NWD2: variants seen among roughly 807,000 people sequenced by gnomAD.
NWD2 encodes NACHT and WD repeat domain-containing protein 2.
A neutral mutation model predicts 132.7 loss-of-function variants in NWD2; 37 were observed. The ratio of observed to expected loss-of-function variants is 0.28; its 90% CI spans 0.21 to 0.37. The LOEUF (loss-of-function observed/expected upper bound fraction) is 0.37, where lower values mean the gene tolerates loss of function less well. Ranked by LOEUF, NWD2 falls within the 10% of genes least tolerant of loss-of-function variation. NWD2 has a pLI of 1.00. For synonymous variants in NWD2, 705 were observed against 803.0 expected (o/e 0.88, Z 2.06); for missense variants, 1,592 against 2,122.4 (o/e 0.75, Z 4.91).
chr4:37,342,549 A>T (rs1261389794), intron 2 of NWD2, among the ~76,000 whole-genome samples: 3 of 152,184 alleles, frequency 2.0e-5, no homozygotes, highest in Non-Finnish European at 4.4e-5. Flanking sequence ...GCCTGGTTCA[A>T]GTTCCTTTAT....
chr4:37,248,562 C>G (rs1028955017), intron 1 of NWD2, among the ~76,000 whole-genome samples: 8 of 152,138 alleles, frequency 5.3e-5, no homozygotes, highest in Non-Finnish European at 8.8e-5. Context: ...TGGAAGTTTT[C>G]TAGTCATTTA....
intron 3 of NWD2, among the ~76,000 whole-genome samples, chr4:37,384,939 A>G (rs2109309703): frequency 6.6e-6 from 1 of 152,364 alleles, no homozygotes; most frequent in Admixed American, 6.5e-5. Flanking sequence ...CACACCAGTT[A>G]GAAGCCAATG....
At chr4:37,376,345 A>G (rs966605922) in intron 3 of NWD2, among the ~76,000 whole-genome samples, 2 of 152,226 alleles carry the variant, frequency 1.3e-5, no homozygotes, top group African/African-American at 2.4e-5. Flanking sequence ...AAGGGATATC[A>G]TATTTATTTC....
At chr4:37,254,499 T>C (rs1717470589) in intron 1 of NWD2, among the ~76,000 whole-genome samples, 1 of 152,358 alleles carries the variant, frequency 6.6e-6, no homozygotes, top group South Asian at 2.1e-4. Context: ...GGTCATGTTA[T>C]TTAAATAAAT....
At chr4:37,388,070 G>A (rs1203399656) in intron 3 of NWD2, among the ~76,000 whole-genome samples, 1 of 152,094 alleles carries the variant, frequency 6.6e-6, no homozygotes, top group East Asian at 1.9e-4. Flanking sequence ...CTGTAAAATG[G>A]GAGCAATAAT....
chr4:37,412,862 C>T (rs1318245286), intron 3 of NWD2, among the ~76,000 whole-genome samples: 1 of 152,182 alleles, frequency 6.6e-6, no homozygotes. Context: ...ACAATCCTGA[C>T]ACAAACAAGC....
intron 2 of NWD2, among the ~76,000 whole-genome samples, chr4:37,351,679 AGTTCTGC>A (rs1719767309): frequency 6.6e-6 from 1 of 151,826 alleles, no homozygotes; most frequent in Non-Finnish European, 1.5e-5. Flanking sequence ...TATCTCCTTC[AGTTCTGC>A]TCTGATCTTA....
At chr4:37,358,356 G>T (rs892996216) in intron 3 of NWD2, among the ~76,000 whole-genome samples, 7 of 150,078 alleles carry the variant, frequency 4.7e-5, no homozygotes, top group Non-Finnish European at 1.5e-5. Context: ...GGTTTGGGGG[G>T]GTTGGGGGAA....
intron 1 of NWD2, among the ~76,000 whole-genome samples, chr4:37,313,845 C>T (rs755373296): frequency 2.0e-5 from 3 of 150,908 alleles, no homozygotes; most frequent in East Asian, 1.9e-4. Context: ...ATTACAGGCA[C>T]CTGCCCACAC....
At chr4:37,419,634 C>T (rs2928286) in intron 3 of NWD2, among the ~76,000 whole-genome samples, 35,280 of 152,146 alleles carry the variant, frequency 0.23, 4,960 homozygotes, top group Middle Eastern at 0.31. Flanking sequence ...TTAAAAACCA[C>T]TTGAAAATAT....
At chr4:37,394,799 G>GTTTTGTTT in intron 3 of NWD2, among the ~76,000 whole-genome samples, 1 of 52,600 alleles carries the variant, frequency 1.9e-5, no homozygotes, top group South Asian at 1.0e-3. Context: ...AACCTTTATG[G>GTTTTGTTT]TTTTTTTTTT....
At chr4:37,311,119 C>A (rs1377305304) in intron 1 of NWD2, among the ~76,000 whole-genome samples, 7 of 151,908 alleles carry the variant, frequency 4.6e-5, no homozygotes, top group Non-Finnish European at 1.0e-4. Flanking sequence ...TTTATAGCAG[C>A]GTGATTTATA....
chr4:37,289,599 A>C (rs546831518), intron 1 of NWD2, among the ~76,000 whole-genome samples: 1 of 152,206 alleles, frequency 6.6e-6, no homozygotes, highest in South Asian at 2.1e-4. Context: ...TTTAGCATGC[A>C]TATCATTAAA....
chr4:37,276,231 A>G (rs1287470497), intron 1 of NWD2, among the ~76,000 whole-genome samples: 1 of 152,180 alleles, frequency 6.6e-6, no homozygotes, highest in Admixed American at 6.5e-5. Context: ...AGAATCTACA[A>G]TGAACTCAAA....
intron 1 of NWD2, among the ~76,000 whole-genome samples, chr4:37,253,746 A>G (rs1246637643): frequency 1.3e-5 from 2 of 152,052 alleles, no homozygotes; most frequent in African/African-American, 4.8e-5. Flanking sequence ...TTTCTCTATA[A>G]ATAAGTTGTT....
intron 1 of NWD2, among the ~76,000 whole-genome samples, chr4:37,284,945 G>A (rs954670360): frequency 1.3e-5 from 2 of 152,046 alleles, no homozygotes; most frequent in Admixed American, 6.5e-5. Flanking sequence ...TGACACCCTC[G>A]GTATTTGTTT....
intron 3 of NWD2, among the ~76,000 whole-genome samples, chr4:37,428,216 T>A (rs1560253400): frequency 6.6e-6 from 1 of 152,188 alleles, no homozygotes; most frequent in African/African-American, 2.4e-5. Flanking sequence ...GAATACTGGA[T>A]AGGCAATAGA....
chr4:37,359,931 G>C (rs1462138439), intron 3 of NWD2, among the ~76,000 whole-genome samples: 2 of 152,180 alleles, frequency 1.3e-5, no homozygotes, highest in African/African-American at 4.8e-5. Flanking sequence ...TGCTCTCAGA[G>C]GACTAGCTTG....
intron 1 of NWD2, among the ~76,000 whole-genome samples, chr4:37,291,223 A>G (rs1475242043): frequency 2.0e-5 from 3 of 150,024 alleles, no homozygotes; most frequent in Admixed American, 1.3e-4. Context: ...GCGTTATTTA[A>G]TAGTTTGTAA....
Sources: gnomAD v4.1 joint callset for allele counts (sites outside exome capture counted in the v4.1 genomes callset) on GRCh38, gnomAD v4.1.1 for gene constraint, MANE v1.5 for transcripts, NCBI Gene and HGNC (gene_info 2026-07-23, HGNC 2026-07-21) for gene names.